The following FAM174B variants were observed in gnomAD, a reference collection of about 807,000 sequenced individuals.
The protein encoded by FAM174B is family with sequence similarity 174 member B.
FAM174B carries 12 observed loss-of-function variants against 10.9 expected under a neutral mutation model. The ratio of observed to expected loss-of-function variants is 1.10; its 90% CI spans 0.71 to 1.79. The LOEUF (loss-of-function observed/expected upper bound fraction) is 1.79, where lower values mean the gene tolerates loss of function less well. Ranked by LOEUF, FAM174B falls within the 40% of genes most tolerant of loss-of-function variation. The pLI is 0.00. For missense variants in FAM174B, 266 were observed against 233.3 expected (o/e 1.14, Z -0.91); for synonymous variants, 132 against 115.8 (o/e 1.14, Z -0.90).
intron 1 of FAM174B, among the ~76,000 whole-genome samples, chr15:92,645,345 G>A (rs905549502): frequency 5.3e-5 from 8 of 152,202 alleles, no homozygotes; most frequent in Non-Finnish European, 8.8e-5. Flanking sequence ...TGCCCCTGGG[G>A]GCTTACGCTT....
At chr15:92,650,096 A>C (rs984683586) in intron 1 of FAM174B, among the ~76,000 whole-genome samples, 1 of 152,230 alleles carries the variant, frequency 6.6e-6, no homozygotes, top group Non-Finnish European at 1.5e-5. Flanking sequence ...AGCAATGACA[A>C]AAAAATTTTT....
At chr15:92,646,573 T>C (rs929410490) in intron 1 of FAM174B, among the ~76,000 whole-genome samples, 1 of 152,130 alleles carries the variant, frequency 6.6e-6, no homozygotes, top group Non-Finnish European at 1.5e-5. Flanking sequence ...CAGGCCATGA[T>C]GGGAAGGGTG....
intron 1 of FAM174B, among the ~76,000 whole-genome samples, chr15:92,641,439 A>C (rs285762): frequency 0.058 from 8,899 of 152,322 alleles, 304 homozygotes; most frequent in Non-Finnish European, 0.076. Context: ...TGATTAAATA[A>C]ATTATGTTAC....
intron 1 of FAM174B, among the ~76,000 whole-genome samples, chr15:92,632,474 G>A (rs1003857041): frequency 6.6e-6 from 1 of 152,284 alleles, no homozygotes; most frequent in East Asian, 1.9e-4. Context: ...CTGAGATTGC[G>A]CCACTGCCCT....
chr15:92,629,576 T>A (rs1018680859), intron 2 of FAM174B, among the ~76,000 whole-genome samples: 4 of 152,206 alleles, frequency 2.6e-5, no homozygotes, highest in African/African-American at 7.2e-5. Context: ...AGTGGACAAC[T>A]AGCTCATTGT....
At chr15:92,641,024 C>A (rs2050888228) in intron 1 of FAM174B, among the ~76,000 whole-genome samples, 1 of 151,860 alleles carries the variant, frequency 6.6e-6, no homozygotes, top group Non-Finnish European at 1.5e-5. Flanking sequence ...GATCAATAAT[C>A]TAATTGAAAA....
intron 1 of FAM174B, among the ~76,000 whole-genome samples, chr15:92,651,945 GA>G (rs1567051321): frequency 6.6e-6 from 1 of 152,124 alleles, no homozygotes; most frequent in African/African-American, 2.4e-5. Flanking sequence ...AGAAAACAGA[GA>G]AATAGGCTAG....
In FAM174B at chr15:92,619,342, T is replaced by C; in HGVS notation, c.*114A>G. 8.5e-7 allele frequency: 1 copy of C among 1,172,276 alleles called. No homozygotes were observed. The highest frequency in any genetic ancestry group is 2.4e-5 in the East Asian group (1 of 42,344). The allele number at this position is 1,172,276 out of a possible 1,614,324, so 72.6% of individuals were successfully genotyped here. ...TGGAGCTGGGGTTTTATACATAACG[T>C]TCGTTTTGGTTTCAACACCTCCGAC... On this transcript the variant is annotated 3_prime_UTR_variant, in exon 3 of 3. Transcript: ENST00000327355.
intron 2 of FAM174B, among the ~76,000 whole-genome samples, chr15:92,625,179 G>A (rs574658568): frequency 3.4e-4 from 49 of 142,258 alleles, no homozygotes; most frequent in Non-Finnish European, 6.2e-4. Context: ...CTGGCCCTAC[G>A]CACTCAAGGT....
chr15:92,622,835 C>G (rs1035500161), intron 2 of FAM174B, among the ~76,000 whole-genome samples: 24 of 152,206 alleles, frequency 1.6e-4, no homozygotes, highest in African/African-American at 5.8e-4. Flanking sequence ...GTTCCTTCCT[C>G]TGTGAGAGGG....
chr15:92,649,534 C>T (rs1320128471), intron 1 of FAM174B, among the ~76,000 whole-genome samples: 1 of 152,180 alleles, frequency 6.6e-6, no homozygotes, highest in African/African-American at 2.4e-5. Flanking sequence ...CACTTGACTG[C>T]TTAAAGGGGA....
At chr15:92,629,554 C>T (rs1374217601) in intron 2 of FAM174B, among the ~76,000 whole-genome samples, 4 of 152,212 alleles carry the variant, frequency 2.6e-5, no homozygotes, top group African/African-American at 4.8e-5. Context: ...TTGGGCCGGA[C>T]CCCTGACAAC....
At chr15:92,633,894 G>T (rs1763933998) in intron 1 of FAM174B, among the ~76,000 whole-genome samples, 1 of 152,038 alleles carries the variant, frequency 6.6e-6, no homozygotes, top group South Asian at 2.1e-4. Context: ...ACTGGCAGGG[G>T]GAAATTTAAG....
chr15:92,631,590 G>A (rs189837827), intron 1 of FAM174B, among the ~76,000 whole-genome samples: 1,978 of 140,738 alleles, frequency 0.014, 51 homozygotes, highest in African/African-American at 0.049. Flanking sequence ...CGCCTCCCGG[G>A]TTCACACCAT....
chr15:92,623,269 T>A (rs2050731748), intron 2 of FAM174B, among the ~76,000 whole-genome samples: 1 of 152,076 alleles, frequency 6.6e-6, no homozygotes, highest in South Asian at 2.1e-4. Context: ...AAGAGAATTA[T>A]CAGGCTTACC....
In FAM174B at chr15:92,619,241, G is replaced by T. The variant is rs2050702073; in HGVS notation, c.*215C>A. 1 of 708,504 alleles carries T rather than the reference G, an allele frequency of 1.4e-6. No homozygotes were observed. The allele number at this position is 708,504 out of a possible 1,614,324, so 43.9% of individuals were successfully genotyped here. A position where few individuals can be genotyped will look rare whatever the true frequency, so the allele number is the denominator to read the frequency against. On this transcript the variant is annotated 3_prime_UTR_variant, in exon 3 of 3. Coordinates refer to ENST00000327355, the MANE Select transcript of FAM174B (RefSeq NM_207446.3). ...ACTTTAAAGGGATGCCCAAAGGGTG[G>T]CAGAAGCAACTCCATTGTGGTGACG...
chr15:92,641,312 T>C (rs963336421), intron 1 of FAM174B, among the ~76,000 whole-genome samples: 7 of 152,224 alleles, frequency 4.6e-5, no homozygotes, highest in Non-Finnish European at 1.0e-4. Flanking sequence ...AGTGTGACAA[T>C]ATCCATCAGT....
At chr15:92,621,250 G>A (rs2050717428) in intron 2 of FAM174B, among the ~76,000 whole-genome samples, 1 of 152,060 alleles carries the variant, frequency 6.6e-6, no homozygotes, top group Admixed American at 6.5e-5. Flanking sequence ...AAAAGTATAG[G>A]GTGTTCCCTA....
intron 1 of FAM174B, among the ~76,000 whole-genome samples, chr15:92,645,873 C>T (rs2050923444): frequency 1.3e-5 from 2 of 152,156 alleles, no homozygotes; most frequent in African/African-American, 4.8e-5. Flanking sequence ...TCACCACCCA[C>T]TCCTTCTAGG....
Sources: gnomAD v4.1 joint callset for allele counts (sites outside exome capture counted in the v4.1 genomes callset) on GRCh38, gnomAD v4.1.1 for gene constraint, MANE v1.5 for transcripts, NCBI Gene and HGNC (gene_info 2026-07-23, HGNC 2026-07-21) for gene names.